The following TEAD1 variants were observed in gnomAD, a reference collection of about 807,000 sequenced individuals.
TEAD1 encodes the protein transcriptional enhancer factor TEF-1.
In TEAD1, 9 loss-of-function variants were observed where a neutral mutation model predicts 54.9. The ratio of observed to expected loss-of-function variants is 0.16; its 90% CI spans 0.10 to 0.29. The LOEUF is 0.29. TEAD1 is among the 10% of genes least tolerant of loss of function. TEAD1 has a pLI of 1.00. For missense variants in TEAD1, 387 were observed against 535.9 expected, an observed-to-expected ratio of 0.72 and a Z score of 2.74; for synonymous variants, 200 against 187.8, an observed-to-expected ratio of 1.07 and a Z score of -0.53.
intron 3 of TEAD1, among the ~76,000 whole-genome samples, chr11:12,810,240 A>G (rs779455619): frequency 6.6e-6 from 1 of 151,714 alleles, no homozygotes; most frequent in Non-Finnish European, 1.5e-5. Flanking sequence ...CAACCTCCCA[A>G]AGTGCTGGGA....
intron 2 of TEAD1, among the ~76,000 whole-genome samples, chr11:12,751,618 G>A (rs1944871622): frequency 6.6e-6 from 1 of 152,208 alleles, no homozygotes; most frequent in African/African-American, 2.4e-5. Context: ...AGGGACAGGG[G>A]TGGGAGGGGC....
At chr11:12,710,778 A>G (rs969531952) in intron 2 of TEAD1, among the ~76,000 whole-genome samples, 1 of 152,064 alleles carries the variant, frequency 6.6e-6, no homozygotes, top group Non-Finnish European at 1.5e-5. Context: ...GAAGATGAAG[A>G]GGAGGATAAT....
intron 2 of TEAD1, among the ~76,000 whole-genome samples, chr11:12,687,889 G>A (rs181810059): frequency 3.8e-4 from 58 of 152,196 alleles, no homozygotes; most frequent in African/African-American, 1.4e-3. Context: ...GGACTCCTCC[G>A]GGCCAGGCTA....
intron 3 of TEAD1, among the ~76,000 whole-genome samples, chr11:12,837,738 C>CCTT (rs1564958316): frequency 1.8e-4 from 26 of 147,998 alleles, no homozygotes; most frequent in African/African-American, 5.0e-4. Context: ...TTCTCCTCCT[C>CCTT]CTTCTTCTTC....
intron 5 of TEAD1, among the ~76,000 whole-genome samples, chr11:12,872,999 A>G (rs749656981): frequency 3.3e-5 from 5 of 152,180 alleles, no homozygotes; most frequent in Non-Finnish European, 7.3e-5. Context: ...GCTTAGAGTC[A>G]CAAGTCTGAA....
At chr11:12,882,378 A>C (rs994419664) in intron 8 of TEAD1, among the ~76,000 whole-genome samples, 2 of 152,142 alleles carry the variant, frequency 1.3e-5, no homozygotes, top group Non-Finnish European at 2.9e-5. Flanking sequence ...TGGAAGCTCA[A>C]AGTGGAAAAC....
At chr11:12,929,248 G>C (rs1948968090) in intron 11 of TEAD1, among the ~76,000 whole-genome samples, 1 of 149,628 alleles carries the variant, frequency 6.7e-6, no homozygotes, top group Non-Finnish European at 1.5e-5. Context: ...CTTCTAATTT[G>C]TACTGTAATT....
chr11:12,881,873 G>A, intron 7 of TEAD1, 23 bp from the exon 8 acceptor site: 18 of 1,613,674 alleles, frequency 1.1e-5, no homozygotes, highest in Non-Finnish European at 1.4e-5. Flanking sequence ...TCTTAACTCT[G>A]TCTGCCATCT....
At chr11:12,814,793 GT>G (rs1946380975) in intron 3 of TEAD1, among the ~76,000 whole-genome samples, 1 of 18,306 alleles carries the variant, frequency 5.5e-5, no homozygotes, top group Non-Finnish European at 1.4e-4. Flanking sequence ...GTGTGTGTGT[GT>G]GTGTGTGTGT....
At chr11:12,708,545 G>T (rs1943868055) in intron 2 of TEAD1, among the ~76,000 whole-genome samples, 1 of 152,004 alleles carries the variant, frequency 6.6e-6, no homozygotes, top group Non-Finnish European at 1.5e-5. Flanking sequence ...CTTTTCTGGA[G>T]GGCATTTTGG....
At chr11:12,721,069 TAGAC>T (rs1389859730) in intron 2 of TEAD1, among the ~76,000 whole-genome samples, 3 of 152,378 alleles carry the variant, frequency 2.0e-5, no homozygotes, top group South Asian at 2.1e-4. Flanking sequence ...TGTGTTTAGT[TAGAC>T]AGAAGAATGT....
chr11:12,865,741 C>A (rs1451832439), intron 5 of TEAD1, among the ~76,000 whole-genome samples: 1 of 151,978 alleles, frequency 6.6e-6, no homozygotes, highest in East Asian at 1.9e-4. Flanking sequence ...ATAAAACATA[C>A]CTGACTTTTA....
chr11:12,835,454 C>T (rs1043590369), intron 3 of TEAD1, among the ~76,000 whole-genome samples: 6 of 151,410 alleles, frequency 4.0e-5, no homozygotes, highest in African/African-American at 1.5e-4. Context: ...GAATTATAGG[C>T]TCGTGCCAGC....
At chr11:12,850,424 G>A (rs1197030044) in intron 3 of TEAD1, among the ~76,000 whole-genome samples, 1 of 152,204 alleles carries the variant, frequency 6.6e-6, no homozygotes, top group African/African-American at 2.4e-5. Flanking sequence ...CAACAGGAGT[G>A]AAACTCCATC....
At chr11:12,905,258 A>G (rs1003813834) in intron 10 of TEAD1, among the ~76,000 whole-genome samples, 2 of 152,200 alleles carry the variant, frequency 1.3e-5, no homozygotes, top group African/African-American at 2.4e-5. Flanking sequence ...AATGTTTTCC[A>G]TGGTGGGGCC....
At position 12,882,939 on chromosome 11, in the gene TEAD1, A is replaced by G. The variant is rs1224447537; in HGVS notation, c.575-62A>G. 30 of 1,613,572 alleles carry G rather than the reference A, an allele frequency of 1.9e-5. No homozygotes were observed. In the East Asian group the frequency reaches 6.2e-4, roughly 34 times the overall value. The stretch of plus-strand genomic sequence containing the variant: ...GTCATCTGTAGAGCCCTGTTCCAGT[A>G]TTTGCCTGAGGCCCAAGGGGAGGTG... On this transcript the variant is annotated intron_variant, in intron 8 of 12. Coordinates refer to ENST00000527636, the MANE Select transcript of TEAD1 (RefSeq NM_021961.6).
intron 3 of TEAD1, among the ~76,000 whole-genome samples, chr11:12,777,092 C>T (rs1187619786): frequency 6.6e-6 from 1 of 151,748 alleles, no homozygotes; most frequent in African/African-American, 2.4e-5. Flanking sequence ...CGCACCCAGC[C>T]TTATTTTTTT....
intron 2 of TEAD1, among the ~76,000 whole-genome samples, chr11:12,693,371 T>C (rs531008408): frequency 1.3e-5 from 2 of 152,340 alleles, no homozygotes; most frequent in East Asian, 1.9e-4. Flanking sequence ...ATTGGTCTGC[T>C]CACTCTGAAC....
At chr11:12,806,904 G>C (rs759200342) in intron 3 of TEAD1, among the ~76,000 whole-genome samples, 5 of 152,194 alleles carry the variant, frequency 3.3e-5, no homozygotes, top group Non-Finnish European at 5.9e-5. Flanking sequence ...GAATTGGTAG[G>C]TTGGCTCCCA....
Sources: allele counts gnomAD v4.1 joint callset (sites outside exome capture counted in the v4.1 genomes callset), GRCh38; gene constraint gnomAD v4.1.1; transcripts MANE v1.5; gene names NCBI Gene and HGNC (gene_info 2026-07-23, HGNC 2026-07-21).